ANKMY1: variants seen among roughly 807,000 people sequenced by gnomAD.
ANKMY1 encodes ankyrin repeat and MYND domain containing 1.
Under a neutral mutation model 102.0 loss-of-function variants are expected in ANKMY1, and 98 were observed. That is an observed-to-expected ratio of 0.96 (90% confidence interval 0.82 to 1.14). The LOEUF is 1.14. Ranked by LOEUF, ANKMY1 falls within the 50% of genes most tolerant of loss-of-function variation. The probability of loss-of-function intolerance (pLI) is 0.00; values close to 1 mark genes in which losing one functional copy is unlikely to be tolerated. For missense variants in ANKMY1, 1,330 were observed against 1,347.6 expected (o/e 0.99, Z 0.20); for synonymous variants, 582 against 559.9 (o/e 1.04, Z -0.56).
At position 240,520,885 on chromosome 2, in the gene ANKMY1, C is replaced by A. The variant is rs577578942; in HGVS notation, c.1833-352G>T. ...CAGCGCACACCACACAGTACGCACA[C>A]GGCACACCACACACCAGAGCACACA... On this transcript the variant is annotated intron_variant, in intron 8 of 17. Coordinates refer to ENST00000401804, the MANE Select transcript of ANKMY1 (RefSeq NM_001282771.3). The surrounding 1 kb of genome is among the most constrained non-coding windows in gnomAD (Gnocchi z 4.8). Among the ~76,000 whole-genome samples the A allele has an allele frequency of 6.6e-6, 1 of 151,352 alleles. No individual in the cohort carries two copies. Among genetic ancestry groups the A allele is most frequent in the Admixed American group, 6.6e-5 (1 of 15,184 alleles).
chr2:240,535,439 C>T (rs994015710), intron 4 of ANKMY1, among the ~76,000 whole-genome samples: 7 of 152,010 alleles, frequency 4.6e-5, no homozygotes, highest in Admixed American at 2.0e-4. Flanking sequence ...ATGTTTCTTA[C>T]GGGACCTAAA....
chr2:240,509,929 G>A (rs1242751345), intron 11 of ANKMY1, among the ~76,000 whole-genome samples: 1 of 150,818 alleles, frequency 6.6e-6, no homozygotes, highest in Non-Finnish European at 1.5e-5. Context: ...CCCCGTCCAT[G>A]CCTCCCTGCC....
intron 4 of ANKMY1, among the ~76,000 whole-genome samples, chr2:240,540,861 TA>T: frequency 6.6e-6 from 1 of 152,322 alleles, no homozygotes; most frequent in South Asian, 2.1e-4. Flanking sequence ...GAAGCCCTCC[TA>T]AACAGCTGCC....
chr2:240,545,921 A>G (rs2090263789), intron 4 of ANKMY1, among the ~76,000 whole-genome samples: 1 of 152,214 alleles, frequency 6.6e-6, no homozygotes, highest in Non-Finnish European at 1.5e-5. Flanking sequence ...ATGGAACCAA[A>G]TTGGAAAACA....
At chr2:240,519,417 A>C (rs2081743974) in intron 9 of ANKMY1, among the ~76,000 whole-genome samples, 1 of 152,250 alleles carries the variant, frequency 6.6e-6, no homozygotes, top group African/African-American at 2.4e-5. Flanking sequence ...CGCCGCAGTG[A>C]GCCCACGCTT....
chr2:240,502,916 C>T (rs1348543089), intron 13 of ANKMY1, among the ~76,000 whole-genome samples: 3 of 152,158 alleles, frequency 2.0e-5, no homozygotes, highest in African/African-American at 4.8e-5. Flanking sequence ...CCAATGACCC[C>T]GTTCCCCTGC....
In ANKMY1 at chr2:240,524,036, C is replaced by G; in HGVS notation, c.1681G>C (p.Val561Leu). ...TCGATGGAGAAGTCGCACACACACA[C>G]GTTGGACTCAAATTTCGTCTCAGCA... Reference protein sequence around the residue: ...CSAETKFESNVCVCDFSIELS... With the variant: ...CSAETKFESNLCVCDFSIELS... Residue 561 changes from valine to leucine, a missense_variant, in exon 8 of 18, where the codon GTG becomes CTG. Val to Leu is a conservative substitution (Grantham distance 32). Coordinates refer to ENST00000401804, the MANE Select transcript of ANKMY1 (RefSeq NM_001282771.3). The G allele has an allele frequency of 1.2e-6, 2 of 1,613,914 alleles. No individual in the cohort carries two copies. Among genetic ancestry groups the G allele is most frequent in the African/African-American group, 1.3e-5 (1 of 75,038 alleles).
At chr2:240,475,604 T>C (rs192461934), downstream of ANKMY1, among the ~76,000 whole-genome samples, 2 of 152,084 alleles carry the variant, frequency 1.3e-5, no homozygotes, top group East Asian at 3.9e-4. Flanking sequence ...AATTATTTTA[T>C]TATTTTTATG....
chr2:240,544,596 C>G (rs2152543049), intron 4 of ANKMY1, among the ~76,000 whole-genome samples: 2 of 152,282 alleles, frequency 1.3e-5, no homozygotes, highest in Non-Finnish European at 2.9e-5. Flanking sequence ...ACCTGAGGTA[C>G]CGGGTTCATC....
chr2:240,515,237 C>T (rs1026848357), intron 9 of ANKMY1, among the ~76,000 whole-genome samples: 2 of 152,164 alleles, frequency 1.3e-5, no homozygotes, highest in Admixed American at 6.5e-5. Context: ...CTGATTTGCT[C>T]TTTAATAGAA....
intron 15 of ANKMY1, among the ~76,000 whole-genome samples, chr2:240,485,322 C>T (rs895258901): frequency 3.8e-5 from 5 of 130,214 alleles, no homozygotes; most frequent in South Asian, 2.4e-4. Context: ...AGCGAGACTC[C>T]GTCTCAAAGA....
At chr2:240,549,578 A>G (rs1282448605) in intron 4 of ANKMY1, among the ~76,000 whole-genome samples, 1 of 152,170 alleles carries the variant, frequency 6.6e-6, no homozygotes. Flanking sequence ...TAAACAGGCA[A>G]CCTACAAAAT....
chr2:240,479,538 G>A lies in ANKMY1; in HGVS notation c.*71C>T. 4 of 1,541,888 alleles carry A rather than the reference G, an allele frequency of 2.6e-6. No individual in the cohort carries two copies. The highest frequency in any genetic ancestry group is 3.6e-6 in the Non-Finnish European group (4 of 1,116,784). ...TGCATTAGGCTGGAAGATTCCCTGA[G>A]GTGGCTCAGGCAGGTAAGAAACCCA... On this transcript the variant is annotated 3_prime_UTR_variant, in exon 18 of 18. Transcript: ENST00000401804.
intron 15 of ANKMY1, among the ~76,000 whole-genome samples, chr2:240,489,084 G>A (rs2076360368): frequency 6.6e-6 from 1 of 152,112 alleles, no homozygotes; most frequent in Non-Finnish European, 1.5e-5. Flanking sequence ...TCCCTATTAT[G>A]ATGATGTTAG....
chr2:240,474,157 G>A, the ANKMY1 span, among the ~76,000 whole-genome samples: 389 of 151,370 alleles, frequency 2.6e-3, 2 homozygotes, highest in African/African-American at 9.0e-3. Flanking sequence ...GTGCAGTGGC[G>A]CAATCTTGGC....
In ANKMY1 at chr2:240,557,197, C is replaced by A. The variant is rs966335175; in HGVS notation, c.139G>T (p.Ala47Ser). The A allele has an allele frequency of 5.2e-6, 8 of 1,535,748 alleles. No individual in the cohort carries two copies. The highest frequency in any genetic ancestry group is 1.2e-5 in the South Asian group (1 of 82,482). Residue 47 changes from alanine (A) to serine (S), a missense_variant, in exon 2 of 18, where the codon GCC (alanine) becomes TCC (serine). Physicochemically the swap from Ala to Ser is moderately conservative, Grantham distance 99 (BLOSUM62 1). Transcript: ENST00000401804. ...CTGGAGGGTCCCCCGCACCTTGTGG[C>A]GAAGACAGCGTAGTTCTTCAGGGAC... ...PGSLKNYAVF[A>S]TRDVSAAPEK...
In ANKMY1 at chr2:240,499,808, C is replaced by A; in HGVS notation, c.2806+150G>T. ...TCTCCTGGACGAGCTCCTTGGACGA[C>A]GGGACACAAAGGGGACAAGCCGACG... On this transcript the variant is annotated intron_variant, in intron 15 of 17. Coordinates refer to ENST00000401804, the MANE Select transcript of ANKMY1 (RefSeq NM_001282771.3). The surrounding 1 kb of genome is among the most constrained non-coding windows in gnomAD (Gnocchi z 4.2). The A allele has an allele frequency of 9.7e-7, 1 of 1,028,008 alleles. No individual in the cohort carries two copies. The highest frequency in any genetic ancestry group is 1.4e-6 in the Non-Finnish European group (1 of 730,106). The allele number at this position is 1,028,008 out of a possible 1,614,324, so 63.7% of individuals were successfully genotyped here.
At chr2:240,519,682 A>G (rs756124823) in intron 9 of ANKMY1, 6 of 159,466 alleles carry the variant, frequency 3.8e-5, no homozygotes, top group Non-Finnish European at 8.3e-5. Flanking sequence ...CAGGTGGGAA[A>G]AGGAGAGTTG....
intron 15 of ANKMY1, among the ~76,000 whole-genome samples, chr2:240,488,934 C>G (rs750373973): frequency 6.6e-6 from 1 of 152,278 alleles, no homozygotes; most frequent in Admixed American, 6.5e-5. Flanking sequence ...TTGACTTGCT[C>G]TTTTCCATTG....
Sources: gnomAD v4.1 joint callset for allele counts (sites outside exome capture counted in the v4.1 genomes callset) on GRCh38, gnomAD v4.1.1 for gene constraint, Gnocchi (gnomAD v3.1) non-coding constraint, MANE v1.5 for transcripts, NCBI Gene and HGNC (gene_info 2026-07-23, HGNC 2026-07-21) for gene names.